Variants in TRIM28 observed in about 807,000 individuals in gnomAD.
The protein encoded by TRIM28 is transcription intermediary factor 1-beta.
TRIM28 carries 8 observed loss-of-function variants against 87.4 expected under a neutral mutation model. The observed-to-expected ratio is 0.09, with a 90% CI of 0.05 to 0.17. TRIM28 has a LOEUF of 0.17. Ranked by LOEUF, TRIM28 falls within the 10% of genes least tolerant of loss-of-function variation. The pLI is 1.00. For missense variants in TRIM28, 968 were observed against 1,131.8 expected (o/e 0.86, Z 2.08); for synonymous variants, 601 against 454.3 (o/e 1.32, Z -4.11).
Position 58,544,810 on chromosome 19 carries a change from G to T in TRIM28, c.53G>T (p.Gly18Val), listed in dbSNP as rs1294185847. The T allele has an allele frequency of 2.4e-6, 3 of 1,226,372 alleles. No individual in the cohort carries two copies. In the East Asian group the frequency reaches 1.0e-4, roughly 43 times the overall value. 76.0% of individuals were successfully genotyped at this position (1,226,372 alleles called of 1,614,324 possible). The change falls in exon 1 of 17, where the codon GGC (glycine) becomes GTC (valine). Residue 18 changes from glycine (G) to valine (V), a missense_variant. Gly to Val is a moderately radical substitution (Grantham distance 109, BLOSUM62 -3). This residue lies in a region of TRIM28 where 208 missense variants were observed against 170.9 expected (regional missense o/e 1.22). Coordinates refer to ENST00000253024, the MANE Select transcript of TRIM28 (RefSeq NM_005762.3). ...GCAGCAGCGGCCTCGGCCGCCTCTG[G>T]CAGCCCGGGCCCGGGCGAGGGCTCC... ...ASAAAASAASGSPGPGEGSAG... is the reference protein window; with the variant it reads ...ASAAAASAASVSPGPGEGSAG...
rs2053751287 is a variant in TRIM28 at position 58,545,308 on chromosome 19, G to T, written c.341-117G>T. The T allele has an allele frequency of 7.3e-6, 7 of 962,112 alleles. No individual in the cohort carries two copies. The Admixed American group carries it at 1.6e-4, about 23-fold the overall frequency. The allele number at this position is 962,112 out of a possible 1,614,324, so 59.6% of individuals were successfully genotyped here. ...AGTTGGAGAAAAGAAGGCTCGGGGA[G>T]GGGAGGGGCTGGTTCGCTGCGGGAT... On this transcript the variant is annotated intron_variant, in intron 1 of 16. Coordinates refer to ENST00000253024, the MANE Select transcript of TRIM28 (RefSeq NM_005762.3).
Position 58,549,318 on chromosome 19 carries a change from C to G in TRIM28, c.1663-13C>G, listed in dbSNP as rs760390210. 1.3e-6 allele frequency: 2 copies of G among 1,568,640 alleles called. No homozygotes were observed. The highest frequency in any genetic ancestry group is 4.5e-5 in the East Asian group (2 of 44,390). On this transcript the variant is annotated splice_polypyrimidine_tract_variant and intron_variant, in intron 12 of 16. Coordinates refer to ENST00000253024, the MANE Select transcript of TRIM28 (RefSeq NM_005762.3). This position sits in a 1 kb window ranked among gnomAD's most constrained non-coding sequence, Gnocchi z 4.4. Reference sequence around the variant, plus strand: ...CTGGACCCTGTTGAACACCCCTCATCACCACCTTGCAGGAGGAGGAGACGG... The same window carrying G: ...CTGGACCCTGTTGAACACCCCTCATGACCACCTTGCAGGAGGAGGAGACGG...
Position 58,549,944 on chromosome 19 carries a change from T to G in TRIM28, c.2107-5T>G. 1 of 1,613,954 alleles carries G rather than the reference T, an allele frequency of 6.2e-7. No individual in the cohort carries two copies. The highest frequency in any genetic ancestry group is 8.5e-7 in the Non-Finnish European group (1 of 1,179,946). The stretch of plus-strand genomic sequence containing the variant: ...GAGCTGTGACATCCCTTACAATGTT[T>G]GTAGAAATGTGAGCGTGTACTGCTG... On this transcript the variant is annotated splice_polypyrimidine_tract_variant and splice_region_variant and intron_variant, in intron 14 of 16. Transcript: ENST00000253024. This position sits in a 1 kb window ranked among gnomAD's most constrained non-coding sequence, Gnocchi z 4.4.
rs1366225655 is a variant in TRIM28, at chr19:58,549,105, C to T, written c.1527C>T (p.Phe509=). The T allele has an allele frequency of 1.2e-6, 2 of 1,614,172 alleles. No individual in the cohort carries two copies. Among genetic ancestry groups the T allele is most frequent in the South Asian group, 1.1e-5 (1 of 91,088 alleles). ...ADSQPPVFKV[F]PGSTTEDYNL... is the part of the protein sequence containing the mutation. ...GCCAGCCACCCGTCTTCAAGGTCTTCCCAGGCAGTACCACTGAGGACTACA... is the reference window on the plus strand; with the variant it reads ...GCCAGCCACCCGTCTTCAAGGTCTTTCCAGGCAGTACCACTGAGGACTACA... Residue 509 remains phenylalanine, a synonymous_variant, in exon 12 of 17, where the codon TTC becomes TTT. Coordinates refer to ENST00000253024, the MANE Select transcript of TRIM28 (RefSeq NM_005762.3). This position sits in a 1 kb window ranked among gnomAD's most constrained non-coding sequence, Gnocchi z 4.4.
chr19:58,544,694 T>TCTGCGC lies in TRIM28; in HGVS notation c.-57_-52dup. The stretch of plus-strand genomic sequence containing the variant: ...GGCCCAGCAGTTGGCGGCGAGCGCG[T>TCTGCGC]CTGCGCCTGCGCGGCGGGCCCCGCG... On this transcript the variant is annotated 5_prime_UTR_variant, in exon 1 of 17. Transcript: ENST00000253024. The TCTGCGC allele has an allele frequency of 5.5e-6, 4 of 727,298 alleles. No homozygotes were observed. The highest frequency in any genetic ancestry group is 6.7e-6 in the Non-Finnish European group (4 of 595,248). The allele number at this position is 727,298 out of a possible 1,614,324, so 45.1% of individuals were successfully genotyped here. A position where few individuals can be genotyped will look rare whatever the true frequency, so the allele number is the denominator to read the frequency against.
chr19:58,545,618 C>A, intron 2 of TRIM28, 81 bp downstream of exon 2: 1 of 1,480,328 alleles, frequency 6.8e-7, no homozygotes. Context: ...CAGCTCCAGG[C>A]TGTTACTCCA....
chr19:58,548,803 G>T, intron 10 of TRIM28, 27 bp downstream of exon 10: 2 of 1,614,090 alleles, frequency 1.2e-6, no homozygotes, highest in Non-Finnish European at 1.7e-6. Flanking sequence ...AGTGGGTGGG[G>T]AAGGGCCCCA....
At chr19:58,545,591 C>A in intron 2 of TRIM28, 54 bp downstream of exon 2, 1 of 1,516,778 alleles carries the variant, frequency 6.6e-7, no homozygotes. Flanking sequence ...GGCATCTGCG[C>A]AGGAGGAGCT....
chr19:58,544,709 C>T lies in TRIM28; in HGVS notation c.-49C>T, dbSNP rs1227755122. On this transcript the variant is annotated 5_prime_UTR_variant, in exon 1 of 17. Transcript: ENST00000253024. ...GGCGAGCGCGTCTGCGCCTGCGCGG[C>T]GGGCCCCGCGCCCCTCCTCCCCCCC... 3.2e-5 allele frequency: 28 copies of T among 862,796 alleles called. No individual in the cohort carries two copies. The highest frequency in any genetic ancestry group is 1.1e-4 in the East Asian group (1 of 8,980). 53.4% of individuals were successfully genotyped at this position (862,796 alleles called of 1,614,324 possible). A position where few individuals can be genotyped will look rare whatever the true frequency, so the allele number is the denominator to read the frequency against.
Position 58,549,182 on chromosome 19 carries a change from G to C in TRIM28, c.1604G>C (p.Gly535Ala). 1 of 1,613,922 alleles carries C rather than the reference G, an allele frequency of 6.2e-7. No homozygotes were observed. The highest frequency in any genetic ancestry group is 1.1e-5 in the South Asian group (1 of 91,084). ...GCCGCTGCAGCTACCGGCCAGCCAG[G>C]GACTGCGCCTGCAGGAACCCCTGGT... ...GAAAAATGQPGTAPAGTPGAP... is the reference protein window; with the variant it reads ...GAAAAATGQPATAPAGTPGAP... The change falls in exon 12 of 17, where the codon GGG (glycine) becomes GCG (alanine). Residue 535 changes from glycine to alanine, a missense_variant. Gly to Ala is a moderately conservative substitution (Grantham distance 60). Transcript: ENST00000253024. The surrounding 1 kb of genome is among the most constrained non-coding windows in gnomAD (Gnocchi z 4.4).
At chr19:58,547,089 G>GGGGTA in intron 3 of TRIM28, 2 of 373,468 alleles carry the variant, frequency 5.4e-6, no homozygotes, top group Non-Finnish European at 9.9e-6. Flanking sequence ...GGGGTGGGGT[G>GGGGTA]GGGTGGTCCT....
At chr19:58,547,247 C>A in intron 3 of TRIM28, 129 bp from the exon 4 acceptor site, 2 of 1,235,252 alleles carry the variant, frequency 1.6e-6, no homozygotes, top group Non-Finnish European at 2.2e-6. Context: ...CCTGGCCACA[C>A]CCTCTACATC....
In TRIM28 at chr19:58,549,631, G is replaced by A. The variant is rs765360301; in HGVS notation, c.1963G>A (p.Ala655Thr). ...TTTCCACCTGGACTGTCACCTGCCG[G>A]CCCTGCAGGATGTACCAGGGTGAGT... ...FCFHLDCHLPALQDVPGEEWS... is the reference protein window; with the variant it reads ...FCFHLDCHLPTLQDVPGEEWS... Residue 655 changes from alanine to threonine, a missense_variant, in exon 13 of 17, where the codon GCC becomes ACC. Physicochemically the swap from Ala to Thr is moderately conservative, Grantham distance 58. Coordinates refer to ENST00000253024, the MANE Select transcript of TRIM28 (RefSeq NM_005762.3). The surrounding 1 kb of genome is among the most constrained non-coding windows in gnomAD (Gnocchi z 4.4). 1.2e-6 allele frequency: 2 copies of A among 1,612,614 alleles called. No homozygotes were observed. Among genetic ancestry groups the A allele is most frequent in the African/African-American group, 1.3e-5 (1 of 74,888 alleles).
intron 3 of TRIM28, 21 bp downstream of exon 3, chr19:58,545,917 C>T (rs1310244146): frequency 6.4e-7 from 1 of 1,571,984 alleles, no homozygotes; most frequent in East Asian, 2.3e-5. Flanking sequence ...CTGAGGGGGG[C>T]TGTTGGAGTT....
At chr19:58,546,476 A>G (rs1235962417) in intron 3 of TRIM28, among the ~76,000 whole-genome samples, 3 of 152,182 alleles carry the variant, frequency 2.0e-5, no homozygotes, top group Non-Finnish European at 4.4e-5. Flanking sequence ...TCCTCCCATG[A>G]GTGGCCTTTT....
At chr19:58,545,940 G>A in intron 3 of TRIM28, 44 bp downstream of exon 3, 1 of 1,562,210 alleles carries the variant, frequency 6.4e-7, no homozygotes. Flanking sequence ...TCTCCCATGT[G>A]TGCCCTCAGT....
chr19:58,545,339 T>C (rs1377738514), intron 1 of TRIM28, 86 bp from the exon 2 acceptor site: 2 of 1,143,336 alleles, frequency 1.7e-6, no homozygotes, highest in Non-Finnish European at 2.5e-6. Flanking sequence ...GGGATAATGG[T>C]CGGGGGCCCA....
chr19:58,548,419 A>G lies in TRIM28; in HGVS notation c.1216+11A>G, dbSNP rs1435164262. 1.5e-5 allele frequency: 25 copies of G among 1,614,098 alleles called. No homozygotes were observed. In the Middle Eastern group the frequency reaches 4.9e-4, roughly 32 times the overall value. ...GTGCCGAGGCCTTTGGTGGGTCCCC[A>G]GCTTTACCTCACTCTGTTATTACCC... On this transcript the variant is annotated intron_variant, in intron 8 of 16. Transcript: ENST00000253024.
rs775332804 is a variant in TRIM28 at position 58,545,000 on chromosome 19, G to T, written c.243G>T (p.Leu81=). Reference sequence around the variant, plus strand: ...GACCCGAGAGGGAGCCCCGCCTGCTGCCCTGTTTGCACTCGGCCTGTAGTG... The same window carrying T: ...GACCCGAGAGGGAGCCCCGCCTGCTTCCCTGTTTGCACTCGGCCTGTAGTG... ...RLRPEREPRL[L]PCLHSACSAC... is the part of the protein sequence containing the mutation. Residue 81 remains leucine, a synonymous_variant, in exon 1 of 17, where the codon CTG becomes CTT. Coordinates refer to ENST00000253024, the MANE Select transcript of TRIM28 (RefSeq NM_005762.3). 54 of 1,514,574 alleles carry T rather than the reference G, an allele frequency of 3.6e-5. No homozygotes were observed. The highest frequency in any genetic ancestry group is 2.3e-4 in the South Asian group (19 of 81,932). The allele number at this position is 1,514,574 out of a possible 1,614,324, so 93.8% of individuals were successfully genotyped here.
Sources: allele counts gnomAD v4.1 joint callset (sites outside exome capture counted in the v4.1 genomes callset), GRCh38; gene constraint gnomAD v4.1.1; regional missense constraint gnomAD v4.1.1; non-coding constraint Gnocchi (gnomAD v3.1); transcripts MANE v1.5; gene names NCBI Gene and HGNC (gene_info 2026-07-23, HGNC 2026-07-21).